Variants in PLPP4 observed in about 807,000 individuals in gnomAD.
PLPP4 encodes the protein diacylglycerol pyrophosphate like 2.
In PLPP4, 20 loss-of-function variants were observed where a neutral mutation model predicts 32.2. That is an observed-to-expected ratio of 0.62 (90% CI 0.44 to 0.90). The LOEUF (loss-of-function observed/expected upper bound fraction) is 0.90. PLPP4 is among the 40% of genes least tolerant of loss of function. The pLI is 0.00. For missense variants in PLPP4, 257 were observed against 353.1 expected, an observed-to-expected ratio of 0.73 and a Z score of 2.18; for synonymous variants, 127 against 133.0, an observed-to-expected ratio of 0.95 and a Z score of 0.31.
At position 120,591,125 on chromosome 10, in the gene PLPP4, G is replaced by A. The variant is rs1272753767; in HGVS notation, c.*1623G>A. ...AGACTGCATTTTGAGAGACTCAGGT[G>A]GCTGCCTAAATGGTCAGCTTATCAG... On this transcript the variant is annotated 3_prime_UTR_variant, in exon 7 of 7. Coordinates refer to ENST00000398250, the MANE Select transcript of PLPP4 (RefSeq NM_001030059.3). Among the ~76,000 whole-genome samples the A allele has an allele frequency of 1.3e-5, 2 of 152,148 alleles. No homozygotes were observed. Among genetic ancestry groups the A allele is most frequent in the East Asian group, 3.8e-4 (2 of 5,196 alleles).
chr10:120,506,780 C>G (rs1387648048), intron 2 of PLPP4, among the ~76,000 whole-genome samples: 1 of 152,226 alleles, frequency 6.6e-6, no homozygotes, highest in African/African-American at 2.4e-5. Flanking sequence ...CTAACTTGCA[C>G]TTTCGCTGTC....
intron 1 of PLPP4, among the ~76,000 whole-genome samples, chr10:120,474,859 T>C (rs1033818378): frequency 2.0e-5 from 3 of 152,184 alleles, no homozygotes; most frequent in African/African-American, 7.2e-5. Context: ...CTCTATAAGG[T>C]AGGAATTTTA....
intron 5 of PLPP4, among the ~76,000 whole-genome samples, chr10:120,552,411 G>A (rs1436617365): frequency 1.3e-5 from 2 of 152,066 alleles, no homozygotes; most frequent in Non-Finnish European, 2.9e-5. Flanking sequence ...AATCAGGGTG[G>A]TATATCATCA....
intron 2 of PLPP4, among the ~76,000 whole-genome samples, chr10:120,506,063 A>T (rs562106945): frequency 3.2e-4 from 49 of 152,374 alleles, no homozygotes; most frequent in Non-Finnish European, 6.0e-4. Context: ...CGTAAATACG[A>T]TGGAGCAATT....
intron 5 of PLPP4, among the ~76,000 whole-genome samples, chr10:120,570,531 TG>T (rs1366250161): frequency 2.1e-4 from 32 of 152,246 alleles, no homozygotes. Context: ...CCTGTCTTCC[TG>T]ATTCTTATCT....
intron 5 of PLPP4, among the ~76,000 whole-genome samples, chr10:120,530,977 A>C (rs1194524151): frequency 6.6e-6 from 1 of 152,074 alleles, no homozygotes; most frequent in African/African-American, 2.4e-5. Flanking sequence ...GAGTTTCTCC[A>C]TATCCTGTTT....
chr10:120,580,603 T>A (rs1298166206), intron 6 of PLPP4, among the ~76,000 whole-genome samples: 1 of 150,712 alleles, frequency 6.6e-6, no homozygotes, highest in Non-Finnish European at 1.5e-5. Flanking sequence ...TTCCCTCCCC[T>A]CTGTCTCTGT....
chr10:120,459,933 T>C (rs1847965492), intron 1 of PLPP4, among the ~76,000 whole-genome samples: 2 of 152,122 alleles, frequency 1.3e-5, no homozygotes, highest in South Asian at 4.2e-4. Flanking sequence ...AGCTTTTCCT[T>C]ACTGACTCTT....
At position 120,591,427 on chromosome 10, in the gene PLPP4, C is replaced by A. The variant is rs972486585; in HGVS notation, c.*1925C>A. On this transcript the variant is annotated 3_prime_UTR_variant, in exon 7 of 7. Transcript: ENST00000398250. ...TTATAGCAGTTACATTGGCAAGCAA[C>A]TTTGAAGATGAATGTGAGATATTTT... is the stretch of plus-strand genomic sequence containing the variant. Among the ~76,000 whole-genome samples, 1 of 152,110 alleles carries A rather than the reference C, an allele frequency of 6.6e-6. No individual in the cohort carries two copies. The highest frequency in any genetic ancestry group is 1.5e-5 in the Non-Finnish European group (1 of 68,010).
At chr10:120,479,383 T>C (rs1844097053) in intron 1 of PLPP4, among the ~76,000 whole-genome samples, 1 of 152,250 alleles carries the variant, frequency 6.6e-6, no homozygotes, top group Non-Finnish European at 1.5e-5. Context: ...TGCTCAAATG[T>C]TCCTTGCTAG....
intron 3 of PLPP4, among the ~76,000 whole-genome samples, chr10:120,515,857 G>A (rs181246276): frequency 2.0e-5 from 3 of 152,270 alleles, no homozygotes; most frequent in African/African-American, 7.2e-5. Flanking sequence ...GTGACTGTGG[G>A]TGAGAACTGT....
chr10:120,481,990 G>T (rs1045690333), intron 1 of PLPP4, among the ~76,000 whole-genome samples: 3 of 152,198 alleles, frequency 2.0e-5, no homozygotes, highest in Non-Finnish European at 4.4e-5. Context: ...GACATGACTT[G>T]CTTCTCCTTG....
intron 6 of PLPP4, among the ~76,000 whole-genome samples, chr10:120,583,914 T>C (rs1199814781): frequency 1.3e-5 from 2 of 152,104 alleles, no homozygotes; most frequent in Non-Finnish European, 2.9e-5. Flanking sequence ...ACAGAGTGCA[T>C]AGATGGCAGG....
Position 120,457,315 on chromosome 10 carries a change from C to A in PLPP4, c.10C>A (p.Leu4Met). 1.3e-6 allele frequency: 2 copies of A among 1,530,250 alleles called. No homozygotes were observed. Among genetic ancestry groups the A allele is most frequent in the Non-Finnish European group, 1.8e-6 (2 of 1,137,422 alleles). The allele number at this position is 1,530,250 out of a possible 1,614,324, so 94.8% of individuals were successfully genotyped here. ...CTGCTCCGGCCGCACCATGCGGGAG[C>A]TGGCCATTGAGATCGGGGTGCGAGC... The part of the protein sequence containing the change: MRE[L>M]AIEIGVRALL... The change falls in exon 1 of 7, where the codon CTG becomes ATG. Residue 4 changes from leucine to methionine, a missense_variant. By Grantham distance (15) the Leu-to-Met change is conservative (BLOSUM62 2). Coordinates refer to ENST00000398250, the MANE Select transcript of PLPP4 (RefSeq NM_001030059.3).
intron 5 of PLPP4, among the ~76,000 whole-genome samples, chr10:120,555,749 G>C (rs1848134530): frequency 6.6e-6 from 1 of 152,178 alleles, no homozygotes; most frequent in African/African-American, 2.4e-5. Context: ...ACCTTCAGCA[G>C]GTTTCTTTGC....
intron 6 of PLPP4, among the ~76,000 whole-genome samples, chr10:120,579,994 C>T (rs1291295499): frequency 1.3e-5 from 2 of 150,702 alleles, no homozygotes; most frequent in Non-Finnish European, 3.0e-5. Flanking sequence ...GTGATGGGCA[C>T]CTGTAGTCCC....
chr10:120,563,301 T>C (rs1490530345), intron 5 of PLPP4, among the ~76,000 whole-genome samples: 1 of 152,206 alleles, frequency 6.6e-6, no homozygotes, highest in East Asian at 1.9e-4. Context: ...CAGTGAATGA[T>C]AGATCAAACA....
At chr10:120,540,111 A>G (rs186734909) in intron 5 of PLPP4, among the ~76,000 whole-genome samples, 174 of 152,176 alleles carry the variant, frequency 1.1e-3, no homozygotes, top group Middle Eastern at 3.4e-3. Flanking sequence ...ATAAGATTCT[A>G]ATTATTTTCT....
At chr10:120,569,301 TC>T (rs1156308952) in intron 5 of PLPP4, among the ~76,000 whole-genome samples, 1 of 151,884 alleles carries the variant, frequency 6.6e-6, no homozygotes, top group Non-Finnish European at 1.5e-5. Flanking sequence ...ATCTGCCCAT[TC>T]CCAGGATCAG....
Sources: allele counts gnomAD v4.1 joint callset (sites outside exome capture counted in the v4.1 genomes callset), GRCh38; gene constraint gnomAD v4.1.1; transcripts MANE v1.5; gene names NCBI Gene and HGNC (gene_info 2026-07-23, HGNC 2026-07-21).